Variants in CNTLN observed in about 807,000 individuals in gnomAD.
CNTLN encodes centlein, also known as centlein, centrosomal protein.
Under a neutral mutation model 180.0 loss-of-function variants are expected in CNTLN, and 212 were observed. The observed-to-expected ratio is 1.18, with a 90% CI of 1.05 to 1.32. The LOEUF is 1.32. CNTLN is among the 40% of genes most tolerant of loss of function. The pLI, the probability that CNTLN is intolerant of heterozygous loss-of-function variation, is 0.00. For synonymous variants in CNTLN, 722 were observed against 563.1 expected (o/e 1.28, Z -3.99); for missense variants, 2,095 against 1,610.9 (o/e 1.30, Z -5.14).
chr9:17,493,365 G>T (rs761160766), intron 25 of CNTLN, among the ~76,000 whole-genome samples: 16 of 152,106 alleles, frequency 1.1e-4, no homozygotes, highest in South Asian at 4.1e-4. Flanking sequence ...TAATATAAGA[G>T]CCAAAATAGT....
intron 15 of CNTLN, among the ~76,000 whole-genome samples, chr9:17,402,738 C>T (rs1787499339): frequency 6.6e-6 from 1 of 151,764 alleles, no homozygotes; most frequent in Non-Finnish European, 1.5e-5. Context: ...CTCTAGCCTG[C>T]CAGACTTCAC....
chr9:17,242,832 G>C lies in CNTLN; in HGVS notation c.849+6244G>C, dbSNP rs72700169. 2.3e-3 allele frequency among the ~76,000 whole-genome samples: 356 copies of C among 152,206 alleles called. 1 individual carries two copies. The highest frequency in any genetic ancestry group is 3.8e-3 in the Non-Finnish European group (259 of 68,018). On this transcript the variant is annotated intron_variant, in intron 5 of 25. Transcript: ENST00000380647. ...CCTTTTTTTGATGTGTCTTTGTCTG[G>C]CTTTAGTATCAGGGTAATACTGGCC...
At chr9:17,338,569 ATAAT>A (rs1459170515) in intron 10 of CNTLN, among the ~76,000 whole-genome samples, 1 of 151,948 alleles carries the variant, frequency 6.6e-6, no homozygotes, top group African/African-American at 2.4e-5. Flanking sequence ...CTCAATAAAC[ATAAT>A]TAACTCATGT....
chr9:17,333,103 A>G (rs1820753842), intron 10 of CNTLN, among the ~76,000 whole-genome samples: 1 of 152,104 alleles, frequency 6.6e-6, no homozygotes, highest in African/African-American at 2.4e-5. Context: ...TTAAAAGCAT[A>G]TTAACCTAGC....
chr9:17,144,435 G>A (rs1183559097), intron 2 of CNTLN, among the ~76,000 whole-genome samples: 1 of 151,978 alleles, frequency 6.6e-6, no homozygotes, highest in East Asian at 1.9e-4. Context: ...AGTAGAATAA[G>A]CCTTCTAGAG....
In CNTLN at chr9:17,295,969, T is replaced by TGAGAGAGAGAGA. The variant is rs113148833; in HGVS notation, c.984-2203_984-2192dup. 7.1e-3 allele frequency among the ~76,000 whole-genome samples: 855 copies of TGAGAGAGAGAGA among 119,708 alleles called. 15 individuals carry two copies. The highest frequency in any genetic ancestry group is 0.027 in the African/African-American group (827 of 30,480). 78.5% of individuals were successfully genotyped at this position (119,708 alleles called of 152,430 possible). ...GTATGAGCATCTCCCTACTCTTCAG[T>TGAGAGAGAGAGA]GAGAGAGAGAGAGAGAGAGAGAGAG... On this transcript the variant is annotated intron_variant, in intron 6 of 25. Transcript: ENST00000380647.
intron 2 of CNTLN, among the ~76,000 whole-genome samples, chr9:17,209,455 G>T (rs2131948829): frequency 6.6e-6 from 1 of 152,296 alleles, no homozygotes; most frequent in South Asian, 2.1e-4. Context: ...CAGTGCAGAT[G>T]AAGTCCAGTG....
At chr9:17,323,979 T>G (rs1820098156) in intron 8 of CNTLN, among the ~76,000 whole-genome samples, 1 of 152,192 alleles carries the variant, frequency 6.6e-6, no homozygotes, top group African/African-American at 2.4e-5. Context: ...CGTAGCTTTC[T>G]TGTCAGTTTT....
intron 24 of CNTLN, 58 bp from the exon 25 acceptor site, chr9:17,486,931 G>A: frequency 1.3e-6 from 1 of 785,492 alleles, no homozygotes; most frequent in Non-Finnish European, 2.1e-6. Context: ...GTATCTAATA[G>A]TATAAACAAG....
At chr9:17,465,490 A>G (rs1226667323) in intron 21 of CNTLN, among the ~76,000 whole-genome samples, 2 of 150,278 alleles carry the variant, frequency 1.3e-5, no homozygotes, top group Non-Finnish European at 1.5e-5. Flanking sequence ...CTGAAAAACT[A>G]TTTTTTCTGT....
At chr9:17,152,817 G>C (rs1818984009) in intron 2 of CNTLN, among the ~76,000 whole-genome samples, 1 of 152,184 alleles carries the variant, frequency 6.6e-6, no homozygotes, top group South Asian at 2.1e-4. Context: ...AGGTGTCTAA[G>C]AACTTGTTTT....
intron 2 of CNTLN, among the ~76,000 whole-genome samples, chr9:17,149,963 T>TGAACA (rs1158260646): frequency 2.6e-5 from 4 of 152,236 alleles, no homozygotes; most frequent in African/African-American, 9.6e-5. Flanking sequence ...TTGTGAGAAG[T>TGAACA]GTCTGTTCAT....
intron 12 of CNTLN, among the ~76,000 whole-genome samples, chr9:17,344,821 A>G (rs1468866815): frequency 6.6e-6 from 1 of 152,164 alleles, no homozygotes; most frequent in African/African-American, 2.4e-5. Context: ...AATTTGAGTA[A>G]CTACCACTAC....
chr9:17,411,573 C>T (rs1827844181), intron 16 of CNTLN, among the ~76,000 whole-genome samples: 2 of 152,172 alleles, frequency 1.3e-5, no homozygotes, highest in Non-Finnish European at 2.9e-5. Flanking sequence ...TAGGAACTGG[C>T]TTACACAGCA....
In CNTLN at chr9:17,332,702, A is replaced by G. The variant is rs1181544870; in HGVS notation, c.1616A>G (p.Glu539Gly). 13 of 1,605,288 alleles carry G rather than the reference A, an allele frequency of 8.1e-6. No individual in the cohort carries two copies. In the South Asian group the frequency reaches 8.9e-5, roughly 11 times the overall value. The change falls in exon 10 of 26, where the codon GAA becomes GGA. Residue 539 changes from glutamate to glycine, a missense_variant. Coordinates refer to ENST00000380647, the MANE Select transcript of CNTLN (RefSeq NM_017738.4). ...CTGAGAAAAGCTGAAAGAAAGATTGAAAACTTAGAGAAGGCACTACAACTA... is the reference window on the plus strand; with the variant it reads ...CTGAGAAAAGCTGAAAGAAAGATTGGAAACTTAGAGAAGGCACTACAACTA... ...QKLRKAERKI[E>G]NLEKALQLKS...
At chr9:17,203,212 G>C (rs1036165548) in intron 2 of CNTLN, among the ~76,000 whole-genome samples, 1 of 152,186 alleles carries the variant, frequency 6.6e-6, no homozygotes, top group African/African-American at 2.4e-5. Flanking sequence ...TCCACTGTTA[G>C]TCTGATAGGC....
Position 17,191,456 on chromosome 9 carries a change from G to A in CNTLN, c.450-34747G>A, listed in dbSNP as rs368932511. Among the ~76,000 whole-genome samples, 108 of 152,162 alleles carry A rather than the reference G, an allele frequency of 7.1e-4. 2 individuals carry two copies. In the South Asian group the frequency reaches 0.02, roughly 28 times the overall value. On this transcript the variant is annotated intron_variant, in intron 2 of 25. Coordinates refer to ENST00000380647, the MANE Select transcript of CNTLN (RefSeq NM_017738.4). ...CTGTGTGTCTGCTACAGCACCCCTG[G>A]GAAACTTGACACACATTCTGGGTAC...
At chr9:17,290,962 C>A (rs556190316) in intron 6 of CNTLN, among the ~76,000 whole-genome samples, 1 of 152,116 alleles carries the variant, frequency 6.6e-6, no homozygotes. Context: ...CAGAAATCAC[C>A]CGTCTTCTGT....
At chr9:17,153,919 A>T (rs1819075376) in intron 2 of CNTLN, among the ~76,000 whole-genome samples, 1 of 152,076 alleles carries the variant, frequency 6.6e-6, no homozygotes, top group African/African-American at 2.4e-5. Context: ...TCAATCAATG[A>T]TATCTTTTCT....
Sources: allele counts gnomAD v4.1 joint callset (sites outside exome capture counted in the v4.1 genomes callset), GRCh38; gene constraint gnomAD v4.1.1; transcripts MANE v1.5; gene names NCBI Gene and HGNC (gene_info 2026-07-23, HGNC 2026-07-21).